Variants in ACSL4 observed in about 807,000 individuals in gnomAD.
ACSL4 encodes long-chain-fatty-acid--CoA ligase 4.
In ACSL4, 9 loss-of-function variants were observed where a neutral mutation model predicts 49.1. The ratio of observed to expected loss-of-function variants is 0.18; its 90% CI spans 0.11 to 0.32. ACSL4 has a LOEUF of 0.32. Among genes scored for constraint, ACSL4 ranks in the 10% least tolerant of loss-of-function variants. The pLI, the probability that ACSL4 is intolerant of heterozygous loss-of-function variation, is 1.00. For synonymous variants in ACSL4, 191 were observed against 170.3 expected (o/e 1.12, Z -0.95); for missense variants, 333 against 493.7 (o/e 0.67, Z 3.08).
intron 15 of ACSL4, among the ~76,000 whole-genome samples, chrX:109,645,036 C>T (rs1034189215): frequency 4.4e-5 from 5 of 112,425 alleles, no homozygotes; most frequent in Non-Finnish European, 7.5e-5. Flanking sequence ...CACGGAGTCT[C>T]GCTGATTGCT....
In ACSL4 at chrX:109,663,395, A is replaced by G; in HGVS notation, c.1398T>C (p.Tyr466=). The G allele has an allele frequency of 8.3e-7, 1 of 1,207,528 alleles. No homozygotes were observed. Among genetic ancestry groups the G allele is most frequent in the Admixed American group, 2.2e-5 (1 of 45,982 alleles). ...IKLKDWQEGG[Y]TINDKPNPRG... ...TGGGGTTTGGCTTGTCATTAATTGTATAACCGCCTGGAAATCATAAAAGTA... is the reference window on the plus strand; with the variant it reads ...TGGGGTTTGGCTTGTCATTAATTGTGTAACCGCCTGGAAATCATAAAAGTA... Residue 466 remains tyrosine, a synonymous_variant, in exon 13 of 16, where the codon TAT becomes TAC. Coordinates refer to ENST00000672401, the MANE Select transcript of ACSL4 (RefSeq NM_001318510.2).
intron 6 of ACSL4, among the ~76,000 whole-genome samples, chrX:109,679,323 C>T (rs541073227): frequency 1.5e-4 from 17 of 111,694 alleles, no homozygotes; most frequent in African/African-American, 3.2e-4. Context: ...CTTTTCCTTC[C>T]GAGAATATAC....
At chrX:109,674,722 A>G (rs1260909334) in intron 8 of ACSL4, among the ~76,000 whole-genome samples, 4 of 112,548 alleles carry the variant, frequency 3.6e-5, no homozygotes, top group Non-Finnish European at 7.5e-5. Flanking sequence ...AGAGAATGAC[A>G]TTGTGATGAA....
chrX:109,688,763 CT>C (rs1243356135), intron 2 of ACSL4, among the ~76,000 whole-genome samples: 22 of 111,298 alleles, frequency 2.0e-4, no homozygotes, highest in African/African-American at 7.2e-4. Context: ...CTTCACTTAG[CT>C]TCCAGGAAAC....
intron 1 of ACSL4, among the ~76,000 whole-genome samples, chrX:109,729,463 A>T (rs1389234581): frequency 8.9e-6 from 1 of 111,880 alleles, no homozygotes; most frequent in Non-Finnish European, 1.9e-5. Context: ...AAGGATGAGG[A>T]GCATTCACAC....
At chrX:109,707,503 C>T (rs920043484) in intron 1 of ACSL4, among the ~76,000 whole-genome samples, 1 of 111,878 alleles carries the variant, frequency 8.9e-6, no homozygotes, top group African/African-American at 3.3e-5. Context: ...CTCAAACTTT[C>T]GGGCACCAGA....
intron 15 of ACSL4, among the ~76,000 whole-genome samples, chrX:109,644,607 G>A (rs1174540650): frequency 8.9e-6 from 1 of 111,931 alleles, no homozygotes; most frequent in Non-Finnish European, 1.9e-5. Context: ...TTATCCATAT[G>A]TCTGCTCAAA....
Position 109,677,968 on chromosome X carries a change from T to C in ACSL4, c.930+20A>G, listed in dbSNP as rs1923860076. 8.3e-7 allele frequency: 1 copy of C among 1,208,364 alleles called. No homozygotes were observed. ...ATGCAGCATCATACGATCATGCCAA[T>C]ATACTGAAAAGTTTGTCACCTGGTC... On this transcript the variant is annotated intron_variant, in intron 8 of 15. Transcript: ENST00000672401.
rs1922596418 is a variant in ACSL4, at chrX:109,665,938, C to T, written c.1316-444G>A. Among the ~76,000 whole-genome samples the T allele has an allele frequency of 2.7e-5, 3 of 112,190 alleles. No homozygotes were observed. The Admixed American group carries it at 2.8e-4, about 11-fold the overall frequency. On this transcript the variant is annotated intron_variant, in intron 11 of 15. Coordinates refer to ENST00000672401, the MANE Select transcript of ACSL4 (RefSeq NM_001318510.2). ...GCTGTGAGGATTAAATGAGATGATA[C>T]ATGGACAATGCTTAACACTTCTTGG...
At chrX:109,667,437 A>T (rs776457459) in intron 11 of ACSL4, among the ~76,000 whole-genome samples, 8 of 112,798 alleles carry the variant, frequency 7.1e-5, no homozygotes, top group Non-Finnish European at 1.1e-4. Context: ...AAATAACAAA[A>T]GGGAAACCAA....
chrX:109,646,498 C>T (rs1459370366), intron 15 of ACSL4, among the ~76,000 whole-genome samples: 4 of 109,118 alleles, frequency 3.7e-5, no homozygotes, highest in African/African-American at 1.0e-4. Context: ...ACCAGGCCTG[C>T]CCTAAAAGAG....
At chrX:109,685,521 T>C (rs745580485) in intron 2 of ACSL4, 3 of 111,715 alleles carry the variant, frequency 2.7e-5, no homozygotes, top group Non-Finnish European at 3.8e-5. Context: ...CTGAAGCCCA[T>C]CCTTCTGCAA....
At chrX:109,664,804 T>G (rs180753118) in intron 12 of ACSL4, among the ~76,000 whole-genome samples, 2 of 111,922 alleles carry the variant, frequency 1.8e-5, no homozygotes, top group East Asian at 5.6e-4. Context: ...GGCTGTTAAT[T>G]ATTTGTTTTA....
intron 1 of ACSL4, among the ~76,000 whole-genome samples, chrX:109,699,607 T>C (rs759567657): frequency 4.6e-4 from 51 of 111,916 alleles, no homozygotes; most frequent in African/African-American, 1.7e-3. Flanking sequence ...ATTCTAAATA[T>C]GTACATATAT....
At chrX:109,671,308 CCCG>C (rs1209987093) in intron 9 of ACSL4, among the ~76,000 whole-genome samples, 1 of 110,073 alleles carries the variant, frequency 9.1e-6, no homozygotes, top group African/African-American at 3.3e-5. Context: ...GTGTCTCTGC[CCCG>C]CCGCCGCCCC....
At position 109,678,130 on chromosome X, in the gene ACSL4, A is replaced by G; in HGVS notation, c.807-19T>C. The G allele has an allele frequency of 8.3e-7, 1 of 1,211,095 alleles. No individual in the cohort carries two copies. The highest frequency in any genetic ancestry group is 1.1e-6 in the Non-Finnish European group (1 of 894,551). ...CTTCGGTCTAAAACAAAATAAGAGA[A>G]ATATTTTAACCATTCTTGAAAAGGC... On this transcript the variant is annotated intron_variant, in intron 7 of 15. Transcript: ENST00000672401.
chrX:109,697,534 T>C (rs1157987849), intron 1 of ACSL4, among the ~76,000 whole-genome samples: 1 of 111,411 alleles, frequency 9.0e-6, no homozygotes, highest in East Asian at 2.8e-4. Flanking sequence ...TAGTTAATAA[T>C]AGTGAACTAC....
intron 15 of ACSL4, among the ~76,000 whole-genome samples, chrX:109,646,911 C>T (rs1350501109): frequency 9.0e-6 from 1 of 111,518 alleles, no homozygotes; most frequent in African/African-American, 3.3e-5. Context: ...CAACAAAGAT[C>T]AGAAGAGACA....
chrX:109,732,513 A>AG (rs1400856260), intron 1 of ACSL4, among the ~76,000 whole-genome samples: 1 of 111,968 alleles, frequency 8.9e-6, no homozygotes, highest in Non-Finnish European at 1.9e-5. Context: ...GCAGGGATGT[A>AG]GACAGAAAGA....
Sources: gnomAD v4.1 joint callset for allele counts (sites outside exome capture counted in the v4.1 genomes callset) on GRCh38, gnomAD v4.1.1 for gene constraint, MANE v1.5 for transcripts, NCBI Gene and HGNC (gene_info 2026-07-23, HGNC 2026-07-21) for gene names.